Variants in LTV1 observed in about 807,000 individuals in gnomAD.
LTV1 encodes protein LTV1 homolog.
LTV1 carries 39 observed loss-of-function variants against 59.9 expected under a neutral mutation model. That is an observed-to-expected ratio of 0.65 (90% CI 0.50 to 0.85). LTV1 has a LOEUF of 0.85. LTV1 is among the 40% of genes least tolerant of loss of function. LTV1 has a pLI of 0.00. For missense variants in LTV1, 493 were observed against 549.1 expected (o/e 0.90, Z 1.02); for synonymous variants, 171 against 189.5 (o/e 0.90, Z 0.80).
chr6:143,861,205 AT>A lies in LTV1; in HGVS notation c.923+661del, dbSNP rs565710257. On this transcript the variant is annotated intron_variant, in intron 7 of 10. Transcript: ENST00000367576. ...AGCCACTGTGCCTGGCCAATTTTTA[AT>A]TTTTTTTTAACTTTTATTTATTTTG... Among the ~76,000 whole-genome samples, 172 of 151,448 alleles carry A rather than the reference AT, an allele frequency of 1.1e-3. 2 individuals carry two copies. The highest frequency in any genetic ancestry group is 0.011 in the South Asian group (54 of 4,786).
chr6:143,853,622 T>C (rs1777023494), intron 4 of LTV1, among the ~76,000 whole-genome samples: 1 of 152,208 alleles, frequency 6.6e-6, no homozygotes, highest in African/African-American at 2.4e-5. Flanking sequence ...AAATAGCTCT[T>C]ATTATTTTGA....
intron 2 of LTV1, among the ~76,000 whole-genome samples, chr6:143,844,955 A>C (rs1776866356): frequency 6.6e-6 from 1 of 152,178 alleles, no homozygotes; most frequent in African/African-American, 2.4e-5. Context: ...TCTTTATTTG[A>C]GATGTTTAAA....
chr6:143,855,931 T>C lies in LTV1; in HGVS notation c.398-1372T>C, dbSNP rs896001951. ...TGACGATTATGTGTCTTGGGGTTGC[T>C]CTTCTCGAGGAGTATCTTTGTGGTT... is the stretch of plus-strand genomic sequence containing the variant. On this transcript the variant is annotated intron_variant, in intron 4 of 10. Transcript: ENST00000367576. The surrounding 1 kb of genome is among the most constrained non-coding windows in gnomAD (Gnocchi z 4.6). Among the ~76,000 whole-genome samples, 52 of 150,118 alleles carry C rather than the reference T, an allele frequency of 3.5e-4. No homozygotes were observed. The highest frequency in any genetic ancestry group is 4.0e-4 in the Non-Finnish European group (27 of 67,546).
At chr6:143,851,401 G>A (rs1180449828) in intron 4 of LTV1, among the ~76,000 whole-genome samples, 1 of 146,802 alleles carries the variant, frequency 6.8e-6, no homozygotes, top group Non-Finnish European at 1.5e-5. Context: ...AATACTGAAA[G>A]TATAACAGTC....
chr6:143,856,383 C>T (rs1041938481), intron 4 of LTV1, among the ~76,000 whole-genome samples: 36 of 152,162 alleles, frequency 2.4e-4, no homozygotes, highest in African/African-American at 8.7e-4. Flanking sequence ...TTAGAACATG[C>T]TCCTTTAGCT....
chr6:143,862,822 T>C lies in LTV1; in HGVS notation c.1064-22T>C, dbSNP rs1475442189. On this transcript the variant is annotated intron_variant, in intron 8 of 10. Coordinates refer to ENST00000367576, the MANE Select transcript of LTV1 (RefSeq NM_032860.5). The surrounding 1 kb of genome is among the most constrained non-coding windows in gnomAD (Gnocchi z 4.2). ...AACTGAAAACATGCTTACTGATACA[T>C]GACTTTTATTTGTTTGTTTAGGTAC... is the stretch of plus-strand genomic sequence containing the variant. 1.4e-6 allele frequency: 2 copies of C among 1,435,922 alleles called. No individual in the cohort carries two copies. Among genetic ancestry groups the C allele is most frequent in the Non-Finnish European group, 2.0e-6 (2 of 1,018,218 alleles). The allele number at this position is 1,435,922 out of a possible 1,614,324, so 88.9% of individuals were successfully genotyped here.
chr6:143,853,125 T>C (rs1400899357), intron 4 of LTV1, among the ~76,000 whole-genome samples: 2 of 152,326 alleles, frequency 1.3e-5, no homozygotes, highest in Middle Eastern at 3.4e-3. Context: ...CATTTGTTTG[T>C]GTCCCCTCTG....
chr6:143,863,812 A>T lies in LTV1; in HGVS notation c.*285A>T, dbSNP rs1375629218. 4.2e-6 allele frequency: 1 copy of T among 239,330 alleles called. No individual in the cohort carries two copies. Among genetic ancestry groups the T allele is most frequent in the Non-Finnish European group, 8.0e-6 (1 of 124,382 alleles). The allele number at this position is 239,330 out of a possible 1,614,324, so 14.8% of individuals were successfully genotyped here. A position where few individuals can be genotyped will look rare whatever the true frequency, so the allele number is the denominator to read the frequency against. Reference sequence around the variant, plus strand: ...AAAGGAAAATATCTTCATAACGTGAATGGAATTGGTGTATTCATTTATTTG... The same window carrying T: ...AAAGGAAAATATCTTCATAACGTGATTGGAATTGGTGTATTCATTTATTTG... On this transcript the variant is annotated 3_prime_UTR_variant, in exon 11 of 11. Transcript: ENST00000367576. The surrounding 1 kb of genome is among the most constrained non-coding windows in gnomAD (Gnocchi z 4.5).
At chr6:143,844,701 T>C (rs1352187088) in intron 2 of LTV1, 84 bp downstream of exon 2, 27 of 1,405,112 alleles carry the variant, frequency 1.9e-5, no homozygotes, top group Non-Finnish European at 2.6e-5. Context: ...AATAGAGTCT[T>C]AGCACGTTGC....
chr6:143,861,410 G>C (rs1278019239), intron 7 of LTV1, among the ~76,000 whole-genome samples: 1 of 151,216 alleles, frequency 6.6e-6, no homozygotes, highest in East Asian at 2.0e-4. Flanking sequence ...TTCCAGCCTG[G>C]GTGACAGGGC....
rs1777187461 is a variant in LTV1 at position 143,862,732 on chromosome 6, G to C, written c.1064-112G>C. On this transcript the variant is annotated intron_variant, in intron 8 of 10. Coordinates refer to ENST00000367576, the MANE Select transcript of LTV1 (RefSeq NM_032860.5). This position sits in a 1 kb window ranked among gnomAD's most constrained non-coding sequence, Gnocchi z 4.2. The stretch of plus-strand genomic sequence containing the variant: ...TATAAAACATTGATCAGAGACTCCA[G>C]TGTTATTTTGCACTATGAAAACACA... 13 of 708,860 alleles carry C rather than the reference G, an allele frequency of 1.8e-5. 1 individual carries two copies. In the South Asian group the frequency reaches 2.1e-4, roughly 11 times the overall value. 43.9% of individuals were successfully genotyped at this position (708,860 alleles called of 1,614,324 possible).
rs937531774 is a variant in LTV1 at position 143,862,848 on chromosome 6, A to C, written c.1068A>C (p.Thr356=). Reference sequence around the variant, plus strand: ...GACTTTTATTTGTTTGTTTAGGTACATACTCAAATTTATATAACCATCCAC... The same window carrying C: ...GACTTTTATTTGTTTGTTTAGGTACCTACTCAAATTTATATAACCATCCAC... The part of the protein sequence containing the change: ...EKWDCESICS[T]YSNLYNHPQL... Residue 356 remains threonine (T), a synonymous_variant, in exon 9 of 11, where the codon ACA becomes ACC. Coordinates refer to ENST00000367576, the MANE Select transcript of LTV1 (RefSeq NM_032860.5). The surrounding 1 kb of genome is among the most constrained non-coding windows in gnomAD (Gnocchi z 4.2). 6.4e-7 allele frequency: 1 copy of C among 1,565,326 alleles called. No homozygotes were observed. The highest frequency in any genetic ancestry group is 8.8e-7 in the Non-Finnish European group (1 of 1,135,786).
chr6:143,856,384 T>A (rs2128491781), intron 4 of LTV1, among the ~76,000 whole-genome samples: 1 of 152,318 alleles, frequency 6.6e-6, no homozygotes, highest in South Asian at 2.1e-4. Context: ...TAGAACATGC[T>A]CCTTTAGCTC....
In LTV1 at chr6:143,860,334, AAG is replaced by A. The variant is rs553481908; in HGVS notation, c.796-90_796-89del. ...GATAGTACCTGAATAACTATTGTGTAAGAATAAAGTTAATGTAAAAAAATTTT... is the reference window on the plus strand; with the variant it reads ...GATAGTACCTGAATAACTATTGTGTAAATAAAGTTAATGTAAAAAAATTTT... On this transcript the variant is annotated intron_variant, in intron 6 of 10. Transcript: ENST00000367576. 466 of 1,039,154 alleles carry A rather than the reference AAG, an allele frequency of 4.5e-4. 5 individuals carry two copies. The South Asian group carries it at 8.3e-3, about 18-fold the overall frequency. The allele number at this position is 1,039,154 out of a possible 1,614,324, so 64.4% of individuals were successfully genotyped here. A position where few individuals can be genotyped will look rare whatever the true frequency, so the allele number is the denominator to read the frequency against.
intron 2 of LTV1, 39 bp downstream of exon 2, chr6:143,844,656 C>G (rs1378273897): frequency 6.6e-7 from 1 of 1,509,044 alleles, no homozygotes; most frequent in African/African-American, 1.4e-5. Context: ...TGTAGGTAGA[C>G]AATAGTTTTT....
intron 3 of LTV1, among the ~76,000 whole-genome samples, chr6:143,847,463 G>A (rs1446269819): frequency 2.6e-5 from 4 of 152,202 alleles, no homozygotes; most frequent in Non-Finnish European, 5.9e-5. Context: ...CCGGGTTCAA[G>A]CGATTCTCCT....
rs1219398935 is a variant in LTV1 at position 143,862,064 on chromosome 6, TCCCCC to T, written c.924-39_924-35del. The T allele has an allele frequency of 6.3e-7, 1 of 1,588,904 alleles. No homozygotes were observed. The highest frequency in any genetic ancestry group is 1.9e-5 in the Admixed American group (1 of 53,948). On this transcript the variant is annotated intron_variant, in intron 7 of 10. Transcript: ENST00000367576. This position sits in a 1 kb window ranked among gnomAD's most constrained non-coding sequence, Gnocchi z 4.2. ...ACATAGTATAATAATAGGTCATTTTTCCCCCTCTTGGTCTTCACTTTTAAAAACTC... is the reference window on the plus strand; with the variant it reads ...ACATAGTATAATAATAGGTCATTTTTTCTTGGTCTTCACTTTTAAAAACTC...
At chr6:143,861,984 A>G in intron 7 of LTV1, 120 bp from the exon 8 acceptor site, 1 of 921,374 alleles carries the variant, frequency 1.1e-6, no homozygotes, top group South Asian at 1.7e-5. Context: ...GGGTCACTGG[A>G]ATATGTGCAT....
chr6:143,859,590 T>G (rs1018021945), intron 6 of LTV1, among the ~76,000 whole-genome samples: 6 of 152,222 alleles, frequency 3.9e-5, no homozygotes, highest in Admixed American at 3.9e-4. Flanking sequence ...CCTTCTCACC[T>G]AATACTATTT....
Sources: allele counts gnomAD v4.1 joint callset (sites outside exome capture counted in the v4.1 genomes callset), GRCh38; gene constraint gnomAD v4.1.1; non-coding constraint Gnocchi (gnomAD v3.1); transcripts MANE v1.5; gene names NCBI Gene and HGNC (gene_info 2026-07-23, HGNC 2026-07-21).